The following CCDC60 variants were observed in gnomAD, a reference collection of about 807,000 sequenced individuals.
CCDC60 encodes coiled-coil domain containing 60.
CCDC60 carries 54 observed loss-of-function variants against 63.5 expected under a neutral mutation model. The observed-to-expected ratio is 0.85, with a 90% CI of 0.68 to 1.07. CCDC60 has a LOEUF of 1.07. Ranked by LOEUF, CCDC60 falls within the 50% of genes least tolerant of loss-of-function variation. The pLI is 0.00. For missense variants in CCDC60, 651 were observed against 684.3 expected (o/e 0.95, Z 0.54); for synonymous variants, 206 against 238.8 (o/e 0.86, Z 1.27).
chr12:119,525,696 C>G (rs998028704), intron 11 of CCDC60, among the ~76,000 whole-genome samples: 1 of 151,986 alleles, frequency 6.6e-6, no homozygotes, highest in African/African-American at 2.4e-5. Flanking sequence ...CAAATACACA[C>G]AAAAATACCT....
rs771984543 is a variant in CCDC60, at chr12:119,520,147, A to G, written c.995A>G (p.Lys332Arg). 6.2e-7 allele frequency: 1 copy of G among 1,613,954 alleles called. No individual in the cohort carries two copies. The highest frequency in any genetic ancestry group is 1.1e-5 in the South Asian group (1 of 90,994). Residue 332 changes from lysine to arginine, a missense_variant, in exon 9 of 14, where the codon AAG (lysine) becomes AGG (arginine). By Grantham distance (26) the Lys-to-Arg change is conservative. Transcript: ENST00000327554. ...PSILSVLKQN[K>R]SNSAYKEMQT... ...ATCTTGTCAGTGCTGAAACAAAACA[A>G]GAGTAATTCTGCTTATAAGGAAATG...
chr12:119,522,834 C>T, intron 9 of CCDC60, 105 bp from the exon 10 acceptor site: 1 of 961,624 alleles, frequency 1.0e-6, no homozygotes, highest in African/African-American at 1.6e-5. Context: ...GAACCACCTC[C>T]CATGCCTGAA....
At chr12:119,513,261 T>A (rs559391351) in intron 7 of CCDC60, among the ~76,000 whole-genome samples, 7 of 152,326 alleles carry the variant, frequency 4.6e-5, no homozygotes, top group African/African-American at 1.7e-4. Flanking sequence ...TTACTCCATC[T>A]CTATTTCATT....
intron 2 of CCDC60, among the ~76,000 whole-genome samples, chr12:119,468,817 T>G (rs561574): frequency 0.36 from 54,065 of 151,670 alleles, 9,912 homozygotes; most frequent in Non-Finnish European, 0.4. Context: ...CTCATGCTTG[T>G]AATCCCAGCA....
At chr12:119,402,986 C>G (rs1297826202) in intron 1 of CCDC60, among the ~76,000 whole-genome samples, 1 of 152,078 alleles carries the variant, frequency 6.6e-6, no homozygotes, top group Non-Finnish European at 1.5e-5. Context: ...ACAAATAAAC[C>G]TAGCTTTAGG....
chr12:119,500,779 A>G (rs1208276759), intron 6 of CCDC60, among the ~76,000 whole-genome samples: 1 of 152,162 alleles, frequency 6.6e-6, no homozygotes, highest in East Asian at 1.9e-4. Context: ...ATTTAAGCCC[A>G]GGAATTGGAG....
At chr12:119,469,800 A>G (rs1027088282) in intron 2 of CCDC60, among the ~76,000 whole-genome samples, 7 of 152,272 alleles carry the variant, frequency 4.6e-5, no homozygotes, top group Admixed American at 1.3e-4. Context: ...GAGATGCGAA[A>G]AAATGGGCCT....
At chr12:119,458,508 C>A (rs1778738624) in intron 2 of CCDC60, among the ~76,000 whole-genome samples, 2 of 152,112 alleles carry the variant, frequency 1.3e-5, no homozygotes, top group African/African-American at 4.8e-5. Flanking sequence ...CCATGCCCCC[C>A]ATAATAGAAA....
intron 2 of CCDC60, among the ~76,000 whole-genome samples, chr12:119,431,024 T>G (rs972572187): frequency 6.6e-6 from 1 of 152,196 alleles, no homozygotes; most frequent in African/African-American, 2.4e-5. Flanking sequence ...ATTGAGGGCC[T>G]AGAGCCACAA....
At chr12:119,368,765 C>T (rs1955868778) in intron 1 of CCDC60, among the ~76,000 whole-genome samples, 1 of 152,186 alleles carries the variant, frequency 6.6e-6, no homozygotes, top group Admixed American at 6.5e-5. Context: ...ACAATCCCTG[C>T]TCGTAATTAA....
intron 1 of CCDC60, among the ~76,000 whole-genome samples, chr12:119,418,390 T>C (rs868703661): frequency 0.26 from 2,918 of 11,354 alleles, 48 homozygotes; most frequent in Admixed American, 0.29. Flanking sequence ...TTCTTTCTTT[T>C]TTTTTTTTTT....
At chr12:119,428,828 T>G (rs1277501549) in intron 2 of CCDC60, 66 bp downstream of exon 2, 2 of 1,033,818 alleles carry the variant, frequency 1.9e-6, no homozygotes, top group African/African-American at 3.1e-5. Context: ...TATGGGGTGT[T>G]GCCTACAAGT....
chr12:119,517,250 T>G (rs1952379385), intron 8 of CCDC60, among the ~76,000 whole-genome samples: 1 of 152,172 alleles, frequency 6.6e-6, no homozygotes, highest in Non-Finnish European at 1.5e-5. Flanking sequence ...CACCTCGGCC[T>G]CCCAAAATGC....
At chr12:119,424,335 C>T (rs568514778) in intron 1 of CCDC60, among the ~76,000 whole-genome samples, 1 of 152,296 alleles carries the variant, frequency 6.6e-6, no homozygotes, top group Admixed American at 6.5e-5. Context: ...AGTGAATAAA[C>T]AGCCATAGCA....
At chr12:119,404,054 G>A (rs980932981) in intron 1 of CCDC60, among the ~76,000 whole-genome samples, 2 of 152,256 alleles carry the variant, frequency 1.3e-5, no homozygotes, top group South Asian at 2.1e-4. Context: ...TTTGGAGGCC[G>A]AGGTGGGCAG....
intron 1 of CCDC60, among the ~76,000 whole-genome samples, chr12:119,340,005 C>A (rs1218746127): frequency 6.6e-6 from 1 of 152,194 alleles, no homozygotes; most frequent in Non-Finnish European, 1.5e-5. Context: ...CCTCTCTGTG[C>A]CTCAGTTTGC....
At chr12:119,441,198 C>T (rs1950438070) in intron 2 of CCDC60, among the ~76,000 whole-genome samples, 1 of 152,108 alleles carries the variant, frequency 6.6e-6, no homozygotes, top group South Asian at 2.1e-4. Context: ...TCAGGATGTT[C>T]ATAAGCGGAA....
At chr12:119,519,436 C>T (rs866752735) in intron 8 of CCDC60, among the ~76,000 whole-genome samples, 4 of 87,498 alleles carry the variant, frequency 4.6e-5, no homozygotes, top group Admixed American at 4.5e-4. Flanking sequence ...TGTGTGTGTG[C>T]GCGTGTGTGT....
At chr12:119,531,411 A>C (rs1287729450) in intron 13 of CCDC60, among the ~76,000 whole-genome samples, 1 of 152,218 alleles carries the variant, frequency 6.6e-6, no homozygotes, top group African/African-American at 2.4e-5. Flanking sequence ...GCAGGTTTCA[A>C]GTCAATCTGC....
Sources: gnomAD v4.1 joint callset for allele counts (sites outside exome capture counted in the v4.1 genomes callset) on GRCh38, gnomAD v4.1.1 for gene constraint, MANE v1.5 for transcripts, NCBI Gene and HGNC (gene_info 2026-07-23, HGNC 2026-07-21) for gene names.